DHX8: variants seen among roughly 807,000 people sequenced by gnomAD.
DHX8 encodes ATP-dependent RNA helicase DHX8.
DHX8 carries 67 observed loss-of-function variants against 140.7 expected under a neutral mutation model. The ratio of observed to expected loss-of-function variants is 0.48; its 90% CI spans 0.39 to 0.58. The LOEUF (loss-of-function observed/expected upper bound fraction) is 0.58. DHX8 is among the 20% of genes least tolerant of loss of function. The pLI is 0.00. For synonymous variants in DHX8, 533 were observed against 553.2 expected (o/e 0.96, Z 0.51); for missense variants, 887 against 1,550.7 (o/e 0.57, Z 7.19).
chr17:43,528,664 C>T (rs758253627), downstream of DHX8: 5 of 1,614,174 alleles, frequency 3.1e-6, no homozygotes, highest in Admixed American at 3.3e-5. Context: ...GAGAGCTGGA[C>T]GCTGATTGTC....
At chr17:43,523,037 T>C (rs1598180632) in intron 22 of DHX8, among the ~76,000 whole-genome samples, 1 of 125,452 alleles carries the variant, frequency 8.0e-6, no homozygotes, top group South Asian at 2.6e-4. Flanking sequence ...TACTCCAGCC[T>C]GGGAGACAGA....
intron 9 of DHX8, among the ~76,000 whole-genome samples, chr17:43,496,615 TA>T (rs1968875531): frequency 6.6e-6 from 1 of 151,914 alleles, no homozygotes; most frequent in Non-Finnish European, 1.5e-5. Flanking sequence ...GTGTCTCTAC[TA>T]AAAAAATACA....
intron 2 of DHX8, 74 bp from the exon 3 acceptor site, chr17:43,490,317 A>G (rs1968430753): frequency 8.7e-7 from 1 of 1,151,634 alleles, no homozygotes; most frequent in Non-Finnish European, 1.3e-6. Flanking sequence ...CCTACAGGAC[A>G]TTCTTTGCCT....
Position 43,521,477 on chromosome 17 carries a change from A to G in DHX8, c.3175A>G (p.Asn1059Asp). 1 of 1,613,956 alleles carries G rather than the reference A, an allele frequency of 6.2e-7. No homozygotes were observed. The change falls in exon 21 of 23, where the codon AAC becomes GAC. Residue 1059 changes from asparagine to aspartate, a missense_variant. This residue lies in a region of DHX8 where 101 missense variants were observed against 168.2 expected (regional missense o/e 0.60). Coordinates refer to ENST00000262415, the MANE Select transcript of DHX8 (RefSeq NM_004941.3). ...CTCCTGGAAGAACAACAAGTTCTCC[A>G]ACCCATGGTGCTATGAGAACTTTAT... The part of the protein sequence containing the change: ...YNSWKNNKFS[N>D]PWCYENFIQA...
chr17:43,490,871 C>T (rs1217076864), intron 3 of DHX8, among the ~76,000 whole-genome samples: 1 of 151,788 alleles, frequency 6.6e-6, no homozygotes, highest in Non-Finnish European at 1.5e-5. Context: ...TTTTTTTCCC[C>T]GTTTCAAGGG....
intron 2 of DHX8, among the ~76,000 whole-genome samples, chr17:43,534,703 G>C (rs1482991185): frequency 6.6e-6 from 1 of 152,112 alleles, no homozygotes; most frequent in Non-Finnish European, 1.5e-5. Flanking sequence ...ACTTTGGGAG[G>C]CCGAGGCGGG....
At chr17:43,497,515 G>C (rs1968933629) in intron 9 of DHX8, among the ~76,000 whole-genome samples, 1 of 152,148 alleles carries the variant, frequency 6.6e-6, no homozygotes, top group Admixed American at 6.5e-5. Context: ...ACTTTGGGAG[G>C]CTGGCTGAGA....
chr17:43,522,163 T>C lies in DHX8; in HGVS notation c.3380T>C (p.Leu1127Pro). Residue 1127 changes from leucine to proline, a missense_variant, in exon 22 of 23, where the codon CTG (leucine) becomes CCG (proline). Physicochemically the swap from Leu to Pro is moderately conservative, Grantham distance 98. Coordinates refer to ENST00000262415, the MANE Select transcript of DHX8 (RefSeq NM_004941.3). Reference protein sequence around the residue: ...KKDPQEGYRTLIDQQVVYIHP... With the variant: ...KKDPQEGYRTPIDQQVVYIHP... ...GACCCGCAGGAGGGTTACCGGACAC[T>C]GATCGACCAGCAGGTGGTCTATATC... 1 of 1,614,106 alleles carries C rather than the reference T, an allele frequency of 6.2e-7. No homozygotes were observed. Among genetic ancestry groups the C allele is most frequent in the Non-Finnish European group, 8.5e-7 (1 of 1,179,990 alleles).
At chr17:43,490,970 T>C (rs1486746331) in intron 3 of DHX8, among the ~76,000 whole-genome samples, 195 bp from the exon 4 acceptor site, 1 of 152,184 alleles carries the variant, frequency 6.6e-6, no homozygotes, top group Admixed American at 6.5e-5. Context: ...CTGCTACATT[T>C]CGAGATAGTT....
In DHX8 at chr17:43,484,001, C is replaced by T. The variant is rs753985494; in HGVS notation, c.-37C>T. On this transcript the variant is annotated 5_prime_UTR_variant, in exon 1 of 23. Transcript: ENST00000262415. ...ACCCGGCCGGAGTAGCTCTGAGCGC[C>T]GGCTGTGAGGAAGGAGGTTCTGGGC... 4 of 1,611,688 alleles carry T rather than the reference C, an allele frequency of 2.5e-6. No homozygotes were observed. The highest frequency in any genetic ancestry group is 1.7e-5 in the Admixed American group (1 of 59,702).
At chr17:43,507,742 A>G in intron 14 of DHX8, 54 bp downstream of exon 14, 4 of 1,612,062 alleles carry the variant, frequency 2.5e-6, no homozygotes, top group Admixed American at 3.3e-5. Context: ...GAATTCTGGC[A>G]GTTGGATTTG....
chr17:43,484,917 A>G (rs1384119793), intron 1 of DHX8, among the ~76,000 whole-genome samples: 1 of 152,256 alleles, frequency 6.6e-6, no homozygotes, highest in Non-Finnish European at 1.5e-5. Context: ...TGTTGGGATT[A>G]CAGGCGTGAG....
chr17:43,520,207 G>T lies in DHX8; in HGVS notation c.2877G>T (p.Glu959Asp). ...PPMETLITAM[E>D]QLYTLGALDD... ...TGGAAACTTTGATCACAGCCATGGAGCAGCTGTACACACTGGGGGCCCTGG... is the reference window on the plus strand; with the variant it reads ...TGGAAACTTTGATCACAGCCATGGATCAGCTGTACACACTGGGGGCCCTGG... The change falls in exon 19 of 23, where the codon GAG becomes GAT. Residue 959 changes from glutamate to aspartate, a missense_variant. Glu to Asp is a conservative substitution (Grantham distance 45). Around this residue, in one of 9 missense-constraint regions of DHX8, gnomAD observed 151 missense variants for 388.3 expected, o/e 0.39. Coordinates refer to ENST00000262415, the MANE Select transcript of DHX8 (RefSeq NM_004941.3). 2 of 1,614,128 alleles carry T rather than the reference G, an allele frequency of 1.2e-6. No individual in the cohort carries two copies. Among genetic ancestry groups the T allele is most frequent in the Non-Finnish European group, 1.7e-6 (2 of 1,180,022 alleles).
At chr17:43,526,772 A>C, downstream of DHX8, 2 of 1,161,978 alleles carry the variant, frequency 1.7e-6, no homozygotes, top group Non-Finnish European at 2.3e-6. Flanking sequence ...ATGTGGAATT[A>C]AATTATATAT....
Position 43,491,220 on chromosome 17 carries a change from C to T in DHX8, c.363C>T (p.Val121=). Reference sequence around the variant, plus strand: ...AAAAGCTGAAGGAACTCTTCCCAGTCCTTTGCCAACCGGACAACCCTTCTG... The same window carrying T: ...AAAAGCTGAAGGAACTCTTCCCAGTTCTTTGCCAACCGGACAACCCTTCTG... ...EKEKLKELFP[V]LCQPDNPSVR... The change falls in exon 4 of 23, where the codon GTC becomes GTT. Residue 121 remains valine (V), a synonymous_variant. Coordinates refer to ENST00000262415, the MANE Select transcript of DHX8 (RefSeq NM_004941.3). The T allele has an allele frequency of 6.5e-7, 1 of 1,537,196 alleles. No homozygotes were observed. The highest frequency in any genetic ancestry group is 8.8e-7 in the Non-Finnish European group (1 of 1,141,978).
chr17:43,524,022 T>G lies in DHX8; in HGVS notation c.*175T>G, dbSNP rs1970514159. ...TAAAATAGAAACAGGGATTTAAACCTGGCTTTGGCAAGAGCCTGCAGCCTC... is the reference window on the plus strand; with the variant it reads ...TAAAATAGAAACAGGGATTTAAACCGGGCTTTGGCAAGAGCCTGCAGCCTC... On this transcript the variant is annotated 3_prime_UTR_variant, in exon 23 of 23. Transcript: ENST00000262415. 9 of 1,433,036 alleles carry G rather than the reference T, an allele frequency of 6.3e-6. No homozygotes were observed. In the African/African-American group the frequency reaches 7.2e-5, roughly 11 times the overall value. The allele number at this position is 1,433,036 out of a possible 1,614,324, so 88.8% of individuals were successfully genotyped here. A position where few individuals can be genotyped will look rare whatever the true frequency, so the allele number is the denominator to read the frequency against.
chr17:43,492,355 C>A, intron 5 of DHX8, 63 bp downstream of exon 5: 2 of 1,377,978 alleles, frequency 1.5e-6, no homozygotes, highest in Non-Finnish European at 2.0e-6. Flanking sequence ...ATATTATGGA[C>A]CAGCCAAGCA....
At chr17:43,494,470 C>T (rs1968727886) in intron 8 of DHX8, among the ~76,000 whole-genome samples, 3 of 151,994 alleles carry the variant, frequency 2.0e-5, no homozygotes, top group Admixed American at 1.3e-4. Context: ...ACGTGTAATC[C>T]CAGCACTTTG....
At chr17:43,543,296 T>TCTCTCTCTCTCTCA (rs888736657) in intron 3 of DHX8, among the ~76,000 whole-genome samples, 115 of 143,400 alleles carry the variant, frequency 8.0e-4, no homozygotes, top group Non-Finnish European at 9.6e-4. Flanking sequence ...TCTCTCTCTC[T>TCTCTCTCTCTCTCA]CACACACACA....
Sources: allele counts gnomAD v4.1 joint callset (sites outside exome capture counted in the v4.1 genomes callset), GRCh38; gene constraint gnomAD v4.1.1; regional missense constraint gnomAD v4.1.1; transcripts MANE v1.5; gene names NCBI Gene and HGNC (gene_info 2026-07-23, HGNC 2026-07-21).